The following KATNIP variants were observed in gnomAD, a reference collection of about 807,000 sequenced individuals.
KATNIP encodes katanin-interacting protein.
KATNIP carries 126 observed loss-of-function variants against 174.0 expected under a neutral mutation model. That is an observed-to-expected ratio of 0.72 (90% CI 0.63 to 0.84). The LOEUF is 0.84. Ranked by LOEUF, KATNIP falls within the 40% of genes least tolerant of loss-of-function variation. KATNIP has a pLI of 0.00. For synonymous variants in KATNIP, 810 were observed against 835.7 expected (o/e 0.97, Z 0.53); for missense variants, 1,958 against 2,109.7 (o/e 0.93, Z 1.41).
In KATNIP at chr16:27,699,074, C is replaced by T. The variant is rs186829807; in HGVS notation, c.1114-460C>T. 2.6e-4 allele frequency among the ~76,000 whole-genome samples: 40 copies of T among 152,324 alleles called. No individual in the cohort carries two copies. The East Asian group carries it at 6.0e-3, about 23-fold the overall frequency. ...GGCATTGGGTATAGCTTGGTGTGCACGTCCTTTCTCAGAAGCTTGGTCTGT... is the reference window on the plus strand; with the variant it reads ...GGCATTGGGTATAGCTTGGTGTGCATGTCCTTTCTCAGAAGCTTGGTCTGT... On this transcript the variant is annotated intron_variant, in intron 9 of 27. Transcript: ENST00000261588.
chr16:27,739,492 C>A (rs1296609065), intron 14 of KATNIP, among the ~76,000 whole-genome samples: 1 of 152,190 alleles, frequency 6.6e-6, no homozygotes, highest in East Asian at 1.9e-4. Context: ...TCGACTTGCA[C>A]CCGAGTCCTT....
intron 3 of KATNIP, among the ~76,000 whole-genome samples, chr16:27,622,439 A>G (rs1361610351): frequency 6.6e-6 from 1 of 152,162 alleles, no homozygotes; most frequent in African/African-American, 2.4e-5. Context: ...GAAAGAGGTA[A>G]TCATGCCCGA....
chr16:27,752,779 C>T (rs1597378924), intron 17 of KATNIP, among the ~76,000 whole-genome samples: 1 of 152,020 alleles, frequency 6.6e-6, no homozygotes, highest in Admixed American at 6.6e-5. Flanking sequence ...GTCATGAACT[C>T]CTGGACTCAA....
chr16:27,606,054 TG>T (rs1424244792), intron 2 of KATNIP, among the ~76,000 whole-genome samples: 6 of 152,096 alleles, frequency 3.9e-5, no homozygotes, highest in African/African-American at 1.4e-4. Flanking sequence ...TGCTTGAACC[TG>T]GGAGGTGGAG....
At chr16:27,639,113 A>T (rs769072870) in intron 5 of KATNIP, among the ~76,000 whole-genome samples, 8 of 152,148 alleles carry the variant, frequency 5.3e-5, no homozygotes, top group Admixed American at 1.3e-4. Context: ...CCCTGACAGG[A>T]GGGGCTGCGT....
chr16:27,738,116 G>A (rs1029231089), intron 14 of KATNIP, among the ~76,000 whole-genome samples: 1 of 152,208 alleles, frequency 6.6e-6, no homozygotes, highest in African/African-American at 2.4e-5. Flanking sequence ...GGAACTATCA[G>A]TTCCCATAAC....
At chr16:27,630,197 A>G (rs902441972) in intron 4 of KATNIP, among the ~76,000 whole-genome samples, 2 of 152,216 alleles carry the variant, frequency 1.3e-5, no homozygotes, top group Non-Finnish European at 2.9e-5. Flanking sequence ...CTGTTCTGCC[A>G]CTTTCTGGCT....
At chr16:27,698,609 C>T (rs2078996981) in intron 9 of KATNIP, 109 bp downstream of exon 9, 3 of 1,119,952 alleles carry the variant, frequency 2.7e-6, no homozygotes, top group Non-Finnish European at 3.7e-6. Context: ...TAGTGGGCAT[C>T]GCTGACCCCA....
chr16:27,676,594 C>T (rs2078124933), intron 6 of KATNIP, among the ~76,000 whole-genome samples: 1 of 152,144 alleles, frequency 6.6e-6, no homozygotes, highest in African/African-American at 2.4e-5. Flanking sequence ...CTTAGAACTA[C>T]ATTGGATACT....
chr16:27,672,568 A>C (rs1567283131), intron 6 of KATNIP, among the ~76,000 whole-genome samples: 1 of 152,238 alleles, frequency 6.6e-6, no homozygotes, highest in African/African-American at 2.4e-5. Context: ...GCATGCATGA[A>C]GCCTTAATGA....
chr16:27,681,978 A>G (rs1246281163), intron 8 of KATNIP, among the ~76,000 whole-genome samples: 1 of 152,206 alleles, frequency 6.6e-6, no homozygotes, highest in Non-Finnish European at 1.5e-5. Context: ...ACTCAGAATA[A>G]TATTTGACCA....
intron 6 of KATNIP, among the ~76,000 whole-genome samples, chr16:27,649,856 C>G (rs2077065467): frequency 6.6e-6 from 1 of 152,214 alleles, no homozygotes; most frequent in Non-Finnish European, 1.5e-5. Flanking sequence ...TCCAGCATGA[C>G]ATTTCAGTTG....
At chr16:27,728,668 G>A (rs2080543233) in intron 14 of KATNIP, among the ~76,000 whole-genome samples, 1 of 152,170 alleles carries the variant, frequency 6.6e-6, no homozygotes, top group African/African-American at 2.4e-5. Flanking sequence ...GACCTCAAGT[G>A]ATCCACTTGC....
chr16:27,571,360 C>G (rs1596751876), intron 1 of KATNIP, among the ~76,000 whole-genome samples: 1 of 152,030 alleles, frequency 6.6e-6, no homozygotes, highest in East Asian at 1.9e-4. Context: ...TTATTGTCCA[C>G]CTTAATTTTT....
At chr16:27,576,007 A>G (rs1368691827) in intron 2 of KATNIP, among the ~76,000 whole-genome samples, 1 of 152,192 alleles carries the variant, frequency 6.6e-6, no homozygotes, top group African/African-American at 2.4e-5. Flanking sequence ...CCAGACCTGC[A>G]GGCCGCCCTC....
chr16:27,713,820 A>ATG (rs1567336934), intron 13 of KATNIP, among the ~76,000 whole-genome samples: 1 of 37,754 alleles, frequency 2.6e-5, no homozygotes, highest in African/African-American at 1.5e-4. Flanking sequence ...ATATATATAT[A>ATG]TATATATATA....
At chr16:27,614,702 T>G (rs1010456608) in intron 2 of KATNIP, among the ~76,000 whole-genome samples, 7 of 152,160 alleles carry the variant, frequency 4.6e-5, no homozygotes, top group Admixed American at 2.0e-4. Context: ...AGAAGCAAAG[T>G]CCCAGTGAAA....
chr16:27,745,370 A>C (rs540794957), intron 15 of KATNIP, among the ~76,000 whole-genome samples: 28 of 152,328 alleles, frequency 1.8e-4, no homozygotes, highest in Non-Finnish European at 3.7e-4. Flanking sequence ...TCACGATATC[A>C]GCTTTCTCTG....
chr16:27,620,967 C>G (rs1396991355), intron 3 of KATNIP, among the ~76,000 whole-genome samples: 1 of 152,182 alleles, frequency 6.6e-6, no homozygotes, highest in Non-Finnish European at 1.5e-5. Context: ...AGTAAATGGA[C>G]TTAAGCAGCT....
Sources: allele counts gnomAD v4.1 joint callset (sites outside exome capture counted in the v4.1 genomes callset), GRCh38; gene constraint gnomAD v4.1.1; transcripts MANE v1.5; gene names NCBI Gene and HGNC (gene_info 2026-07-23, HGNC 2026-07-21).